GULP1: variants seen among roughly 807,000 people sequenced by gnomAD.
GULP1 encodes GULP PTB domain containing engulfment adaptor 1.
A neutral mutation model predicts 40.9 loss-of-function variants in GULP1; 19 were observed. The ratio of observed to expected loss-of-function variants is 0.46; its 90% CI spans 0.32 to 0.68. The LOEUF (loss-of-function observed/expected upper bound fraction) is 0.68. Among genes scored for constraint, GULP1 ranks in the 30% least tolerant of loss-of-function variants. The probability of loss-of-function intolerance (pLI) is 0.03; values close to 1 mark genes in which losing one functional copy is unlikely to be tolerated. For synonymous variants in GULP1, 119 were observed against 117.6 expected, an observed-to-expected ratio of 1.01 and a Z score of -0.08; for missense variants, 312 against 362.2, an observed-to-expected ratio of 0.86 and a Z score of 1.12.
intron 1 of GULP1, among the ~76,000 whole-genome samples, chr2:188,343,537 G>T (rs985049826): frequency 6.6e-6 from 1 of 152,132 alleles, no homozygotes; most frequent in African/African-American, 2.4e-5. Flanking sequence ...ATTACAAAAA[G>T]ACGCATATCT....
At chr2:188,305,838 C>T (rs2036977786) in intron 1 of GULP1, among the ~76,000 whole-genome samples, 1 of 152,046 alleles carries the variant, frequency 6.6e-6, no homozygotes, top group South Asian at 2.1e-4. Flanking sequence ...AGTGGAGTGG[C>T]GCAATCTTGG....
chr2:188,494,837 C>T lies in GULP1; in HGVS notation c.90+11345C>T, dbSNP rs192480602. ...TGTTTTTTCTCACAATCTCTTTCCA[C>T]TCTTGCTCTCCTCAGGGGCTCTGTC... On this transcript the variant is annotated intron_variant, in intron 4 of 11. Coordinates refer to ENST00000409830, the MANE Select transcript of GULP1 (RefSeq NM_016315.4). 4.5e-3 allele frequency among the ~76,000 whole-genome samples: 685 copies of T among 151,912 alleles called. 8 individuals are homozygous for T. Among genetic ancestry groups the T allele is most frequent in the African/African-American group, 0.016 (659 of 41,450 alleles).
At chr2:188,361,456 G>T (rs577765420) in intron 1 of GULP1, among the ~76,000 whole-genome samples, 1 of 152,106 alleles carries the variant, frequency 6.6e-6, no homozygotes. Context: ...GCCAGCTTAT[G>T]TAAGATCTAT....
At chr2:188,582,681 A>C (rs541641356) in intron 9 of GULP1, 1 of 372,666 alleles carries the variant, frequency 2.7e-6, no homozygotes, top group South Asian at 2.1e-5. Flanking sequence ...AGTCAATGTG[A>C]TGTGATCTGG....
rs1043040672 is a variant in GULP1 at position 188,557,037 on chromosome 2, G to A, written c.400-12202G>A. ...AGACTCTGTCTCAAAAAAAAAAAAA[G>A]AAAAGAAATCTACCACCATGTTCCA... is the stretch of plus-strand genomic sequence containing the variant. On this transcript the variant is annotated intron_variant, in intron 7 of 11. Coordinates refer to ENST00000409830, the MANE Select transcript of GULP1 (RefSeq NM_016315.4). 1.1e-4 allele frequency among the ~76,000 whole-genome samples: 16 copies of A among 150,156 alleles called. No individual in the cohort carries two copies. In the East Asian group the frequency reaches 2.5e-3, roughly 24 times the overall value.
At chr2:188,463,287 C>T (rs1381045761) in intron 2 of GULP1, among the ~76,000 whole-genome samples, 6 of 152,088 alleles carry the variant, frequency 3.9e-5, no homozygotes, top group Admixed American at 6.5e-5. Context: ...TTGCCATATA[C>T]ATTCTAGGAA....
At chr2:188,399,022 G>A (rs2152610766) in intron 2 of GULP1, among the ~76,000 whole-genome samples, 1 of 152,238 alleles carries the variant, frequency 6.6e-6, no homozygotes, top group South Asian at 2.1e-4. Flanking sequence ...TTTTTGATCA[G>A]GCAACCATCT....
chr2:188,341,526 T>G (rs1033184261), intron 1 of GULP1, among the ~76,000 whole-genome samples: 1 of 152,172 alleles, frequency 6.6e-6, no homozygotes, highest in Non-Finnish European at 1.5e-5. Flanking sequence ...TCCTTGATAC[T>G]GTCTTATTTA....
At chr2:188,296,016 T>C (rs2034835665) in intron 1 of GULP1, among the ~76,000 whole-genome samples, 1 of 152,038 alleles carries the variant, frequency 6.6e-6, no homozygotes, top group Non-Finnish European at 1.5e-5. Context: ...CTCTAAAGAA[T>C]AAAAAAAGTT....
chr2:188,394,550 C>A (rs1483239785), intron 2 of GULP1, among the ~76,000 whole-genome samples: 1 of 152,022 alleles, frequency 6.6e-6, no homozygotes, highest in South Asian at 2.1e-4. Flanking sequence ...TTGGTTTGGA[C>A]CCATTTCTGG....
In GULP1 at chr2:188,523,209, C is replaced by A. The variant is rs527784314; in HGVS notation, c.162+382C>A. ...TCTTTAAAAGCTAAGATATAATATC[C>A]ACCAGTTAAAAATGTGGAGTCAGAG... On this transcript the variant is annotated intron_variant, in intron 5 of 11. Transcript: ENST00000409830. Among the ~76,000 whole-genome samples the A allele has an allele frequency of 5.9e-5, 9 of 152,154 alleles. No homozygotes were observed. In the South Asian group the frequency reaches 1.9e-3, roughly 32 times the overall value.
chr2:188,331,741 G>C (rs934027685), intron 1 of GULP1, among the ~76,000 whole-genome samples: 1 of 152,028 alleles, frequency 6.6e-6, no homozygotes, highest in African/African-American at 2.4e-5. Context: ...ATCAATGCTT[G>C]ATTATTTCTG....
At chr2:188,361,649 T>C (rs2046103426) in intron 1 of GULP1, among the ~76,000 whole-genome samples, 1 of 152,060 alleles carries the variant, frequency 6.6e-6, no homozygotes, top group African/African-American at 2.4e-5. Flanking sequence ...CTAAACCAAA[T>C]TGAGGTAATT....
At chr2:188,344,193 G>T (rs148538107) in intron 1 of GULP1, among the ~76,000 whole-genome samples, 13 of 152,336 alleles carry the variant, frequency 8.5e-5, no homozygotes, top group Non-Finnish European at 1.9e-4. Context: ...TGATTAGAAA[G>T]AAGGAATGAG....
chr2:188,457,190 G>T (rs555366234), intron 2 of GULP1, among the ~76,000 whole-genome samples: 8 of 152,198 alleles, frequency 5.3e-5, no homozygotes, highest in Non-Finnish European at 7.3e-5. Context: ...TTAAGACTTT[G>T]AGGGACTGTT....
intron 9 of GULP1, among the ~76,000 whole-genome samples, chr2:188,570,586 C>T (rs1034819201): frequency 2.0e-5 from 3 of 152,060 alleles, no homozygotes; most frequent in African/African-American, 7.2e-5. Context: ...GTATTTCAAA[C>T]ATTAAAATGA....
At chr2:188,340,793 G>A (rs2042864306) in intron 1 of GULP1, among the ~76,000 whole-genome samples, 1 of 152,146 alleles carries the variant, frequency 6.6e-6, no homozygotes, top group Admixed American at 6.5e-5. Flanking sequence ...TATTGCCCAT[G>A]GAGGTGGCAC....
At chr2:188,479,776 A>G (rs1426470295) in intron 3 of GULP1, among the ~76,000 whole-genome samples, 1 of 152,056 alleles carries the variant, frequency 6.6e-6, no homozygotes, top group African/African-American at 2.4e-5. Context: ...ATGGTTTTTC[A>G]TTGAGAAATC....
chr2:188,434,040 C>G (rs1481977654), intron 2 of GULP1, among the ~76,000 whole-genome samples: 1 of 151,224 alleles, frequency 6.6e-6, no homozygotes, highest in Non-Finnish European at 1.5e-5. Context: ...AGCCTTATGT[C>G]ATTGTTTTTT....
Sources: allele counts gnomAD v4.1 joint callset (sites outside exome capture counted in the v4.1 genomes callset), GRCh38; gene constraint gnomAD v4.1.1; transcripts MANE v1.5; gene names NCBI Gene and HGNC (gene_info 2026-07-23, HGNC 2026-07-21).